Variants in RPS6KC1 observed in about 807,000 individuals in gnomAD.
RPS6KC1 encodes inactive ribosomal protein S6 kinase delta-1.
Under a neutral mutation model 103.8 loss-of-function variants are expected in RPS6KC1, and 54 were observed. That is an observed-to-expected ratio of 0.52 (90% CI 0.42 to 0.65). The LOEUF (loss-of-function observed/expected upper bound fraction) is 0.65, where lower values mean the gene tolerates loss of function less well. RPS6KC1 is among the 30% of genes least tolerant of loss of function. The pLI is 0.00. For missense variants in RPS6KC1, 1,151 were observed against 1,253.8 expected, an observed-to-expected ratio of 0.92 and a Z score of 1.24; for synonymous variants, 439 against 438.7, an observed-to-expected ratio of 1.00 and a Z score of -0.01.
At chr1:213,242,940 C>T (rs1458318644) in intron 12 of RPS6KC1, among the ~76,000 whole-genome samples, 2 of 152,118 alleles carry the variant, frequency 1.3e-5, no homozygotes, top group African/African-American at 4.8e-5. Flanking sequence ...GTCTTAACTT[C>T]TTAGTGTTTA....
intron 8 of RPS6KC1, among the ~76,000 whole-genome samples, chr1:213,210,399 A>G (rs1207323696): frequency 6.6e-6 from 1 of 152,218 alleles, no homozygotes; most frequent in African/African-American, 2.4e-5. Flanking sequence ...TAATCTGTAA[A>G]TCTGTGCCTC....
the RPS6KC1 span, among the ~76,000 whole-genome samples, chr1:213,301,229 C>T: frequency 2.0e-5 from 3 of 152,022 alleles, no homozygotes; most frequent in Admixed American, 2.0e-4. Flanking sequence ...TAGTAGGGTT[C>T]TAGGAGAAAG....
chr1:213,576,526 T>C, the RPS6KC1 span, among the ~76,000 whole-genome samples: 1 of 152,134 alleles, frequency 6.6e-6, no homozygotes, highest in Admixed American at 6.5e-5. Flanking sequence ...TGGTCTGTGA[T>C]CATCAGTTTT....
the RPS6KC1 span, among the ~76,000 whole-genome samples, chr1:213,773,372 G>A: frequency 1.3e-5 from 2 of 150,920 alleles, no homozygotes; most frequent in African/African-American, 4.9e-5. Flanking sequence ...GTGCTGGATG[G>A]TTATGGGCAG....
chr1:213,559,482 T>C, the RPS6KC1 span, among the ~76,000 whole-genome samples: 2 of 152,118 alleles, frequency 1.3e-5, no homozygotes, highest in Non-Finnish European at 2.9e-5. Context: ...AATGAGCCAG[T>C]TGAAAAACAA....
At chr1:213,612,301 C>A in the RPS6KC1 span, among the ~76,000 whole-genome samples, 9,419 of 152,292 alleles carry the variant, frequency 0.062, 610 homozygotes, top group East Asian at 0.28. Flanking sequence ...AGAACTCCTG[C>A]ATCATACCTT....
At chr1:213,662,623 C>A in the RPS6KC1 span, among the ~76,000 whole-genome samples, 1 of 152,020 alleles carries the variant, frequency 6.6e-6, no homozygotes, top group Non-Finnish European at 1.5e-5. Context: ...AGCTCCCCTG[C>A]GCATAGATGT....
intron 6 of RPS6KC1, among the ~76,000 whole-genome samples, chr1:213,148,325 G>C (rs1350426881): frequency 6.6e-6 from 1 of 152,128 alleles, no homozygotes; most frequent in Middle Eastern, 3.2e-3. Flanking sequence ...GTCATATATG[G>C]CTTTTATTAG....
the RPS6KC1 span, among the ~76,000 whole-genome samples, chr1:213,800,827 C>T: frequency 6.6e-6 from 1 of 152,026 alleles, no homozygotes; most frequent in African/African-American, 2.4e-5. Context: ...GTGATTGCAA[C>T]CTTTATTACG....
At chr1:213,215,807 A>C (rs1047056094) in intron 8 of RPS6KC1, among the ~76,000 whole-genome samples, 15 of 152,322 alleles carry the variant, frequency 9.8e-5, no homozygotes, top group African/African-American at 2.4e-4. Flanking sequence ...GAAATAAAAT[A>C]CTTTAAAGAC....
At chr1:213,119,253 C>T (rs1337285055) in intron 5 of RPS6KC1, among the ~76,000 whole-genome samples, 1 of 151,416 alleles carries the variant, frequency 6.6e-6, no homozygotes, top group Non-Finnish European at 1.5e-5. Flanking sequence ...TTGAGACCAG[C>T]CTGGCCAATA....
intron 6 of RPS6KC1, among the ~76,000 whole-genome samples, chr1:213,140,609 T>A (rs2086901116): frequency 6.6e-6 from 1 of 152,084 alleles, no homozygotes; most frequent in Non-Finnish European, 1.5e-5. Flanking sequence ...TAGTTTTCAT[T>A]TTTAGTTCTA....
chr1:213,270,900 A>AT (rs2095032942), intron 14 of RPS6KC1, among the ~76,000 whole-genome samples: 1 of 152,226 alleles, frequency 6.6e-6, no homozygotes, highest in Non-Finnish European at 1.5e-5. Flanking sequence ...TACTAACATC[A>AT]GGAGAAGGGC....
intron 12 of RPS6KC1, among the ~76,000 whole-genome samples, chr1:213,243,892 G>A (rs187074564): frequency 1.3e-5 from 2 of 152,284 alleles, no homozygotes; most frequent in Admixed American, 6.5e-5. Flanking sequence ...GATTAAAAGA[G>A]CTAGATTGTT....
the RPS6KC1 span, among the ~76,000 whole-genome samples, chr1:213,632,844 A>C: frequency 6.6e-6 from 1 of 152,264 alleles, no homozygotes; most frequent in Non-Finnish European, 1.5e-5. Context: ...AGTGTAGAGA[A>C]GACCTTAAAT....
chr1:213,719,647 G>A, the RPS6KC1 span, among the ~76,000 whole-genome samples: 1 of 152,304 alleles, frequency 6.6e-6, no homozygotes, highest in Admixed American at 6.5e-5. Flanking sequence ...AGGGGACCAT[G>A]TGACCAAGCT....
chr1:213,279,731 T>C (rs541109014), downstream of RPS6KC1, among the ~76,000 whole-genome samples: 1 of 152,336 alleles, frequency 6.6e-6, no homozygotes, highest in Admixed American at 6.5e-5. Flanking sequence ...CAAGGGAATA[T>C]GGATGATTTT....
chr1:213,511,183 T>G, the RPS6KC1 span, among the ~76,000 whole-genome samples: 3 of 65,286 alleles, frequency 4.6e-5, no homozygotes, highest in Admixed American at 1.6e-4. Flanking sequence ...AGGAATGTCT[T>G]TTTTTTTTTT....
At chr1:213,804,147 T>TA in the RPS6KC1 span, among the ~76,000 whole-genome samples, 819 of 32,630 alleles carry the variant, frequency 0.025, 9 homozygotes, top group Middle Eastern at 0.065. Context: ...AAGTCAAACA[T>TA]AAAAAAAAAA....
Sources: allele counts gnomAD v4.1 joint callset (sites outside exome capture counted in the v4.1 genomes callset), GRCh38; gene constraint gnomAD v4.1.1; transcripts MANE v1.5; gene names NCBI Gene and HGNC (gene_info 2026-07-23, HGNC 2026-07-21).